CADM2: variants seen among roughly 807,000 people sequenced by gnomAD.
CADM2 encodes cell adhesion molecule 2, also known as immunoglobulin superfamily member 4D.
A neutral mutation model predicts 49.8 loss-of-function variants in CADM2; 12 were observed. The observed-to-expected ratio is 0.24, with a 90% CI of 0.15 to 0.39. The LOEUF (loss-of-function observed/expected upper bound fraction) is 0.39. CADM2 is among the 10% of genes least tolerant of loss of function. The probability of loss-of-function intolerance (pLI) is 1.00; values close to 1 mark genes in which losing one functional copy is unlikely to be tolerated. For synonymous variants in CADM2, 214 were observed against 175.4 expected, an observed-to-expected ratio of 1.22 and a Z score of -1.74; for missense variants, 378 against 492.3, an observed-to-expected ratio of 0.77 and a Z score of 2.20.
intron 8 of CADM2, among the ~76,000 whole-genome samples, chr3:85,984,630 C>A (rs1385153797): frequency 6.6e-6 from 1 of 151,746 alleles, no homozygotes. Flanking sequence ...TAGAGATGAT[C>A]TGATAGATAT....
chr3:85,642,431 A>G (rs1012756270), intron 1 of CADM2, among the ~76,000 whole-genome samples: 2 of 152,202 alleles, frequency 1.3e-5, no homozygotes, highest in African/African-American at 4.8e-5. Flanking sequence ...AATGAAAGTA[A>G]ATAAAAAATA....
chr3:85,415,852 A>G (rs1460270949), intron 1 of CADM2, among the ~76,000 whole-genome samples: 1 of 152,106 alleles, frequency 6.6e-6, no homozygotes, highest in East Asian at 1.9e-4. Flanking sequence ...TAAATATATT[A>G]TACTTTCTCT....
chr3:85,045,810 TC>T (rs1464897089), intron 1 of CADM2, among the ~76,000 whole-genome samples: 2 of 152,120 alleles, frequency 1.3e-5, no homozygotes, highest in African/African-American at 4.8e-5. Flanking sequence ...CTTGAATATT[TC>T]CTCTTAATAA....
At chr3:85,595,806 A>G (rs927535738) in intron 1 of CADM2, among the ~76,000 whole-genome samples, 11 of 152,042 alleles carry the variant, frequency 7.2e-5, no homozygotes, top group African/African-American at 2.4e-4. Flanking sequence ...AAACAAGTGT[A>G]TATCTTCATT....
At chr3:85,469,757 GC>G (rs1298300090) in intron 1 of CADM2, among the ~76,000 whole-genome samples, 1 of 152,122 alleles carries the variant, frequency 6.6e-6, no homozygotes, top group African/African-American at 2.4e-5. Flanking sequence ...TTCCAAGTAG[GC>G]TAAAATTGAC....
At chr3:85,308,815 T>C (rs79070801) in intron 1 of CADM2, among the ~76,000 whole-genome samples, 271 of 152,218 alleles carry the variant, frequency 1.8e-3, no homozygotes, top group Non-Finnish European at 3.1e-3. Flanking sequence ...TTTGTACACA[T>C]ATTGATTTAC....
intron 7 of CADM2, among the ~76,000 whole-genome samples, chr3:85,942,681 T>A (rs541420147): frequency 3.3e-5 from 5 of 151,954 alleles, no homozygotes; most frequent in African/African-American, 1.2e-4. Flanking sequence ...TTTTTATGGC[T>A]GCATAGTATT....
At chr3:85,655,618 G>A (rs1354558907) in intron 1 of CADM2, among the ~76,000 whole-genome samples, 1 of 152,152 alleles carries the variant, frequency 6.6e-6, no homozygotes, top group Non-Finnish European at 1.5e-5. Flanking sequence ...CGTAGAGTGA[G>A]AATTCTTGTA....
chr3:85,296,266 A>T (rs990063084), intron 1 of CADM2, among the ~76,000 whole-genome samples: 2 of 152,082 alleles, frequency 1.3e-5, no homozygotes, highest in Non-Finnish European at 2.9e-5. Flanking sequence ...CTAAGACCTC[A>T]GTAGTAATGT....
At chr3:85,737,695 C>T (rs1269827232) in intron 2 of CADM2, among the ~76,000 whole-genome samples, 3 of 151,598 alleles carry the variant, frequency 2.0e-5, no homozygotes, top group Non-Finnish European at 4.4e-5. Context: ...GTAGCTGGGA[C>T]TACAGGCGCC....
intron 8 of CADM2, among the ~76,000 whole-genome samples, chr3:86,046,585 C>G (rs1045805900): frequency 6.6e-6 from 1 of 152,002 alleles, no homozygotes; most frequent in Admixed American, 6.6e-5. Context: ...CTATGAGGAA[C>G]AGGGCAGCAC....
intron 1 of CADM2, among the ~76,000 whole-genome samples, chr3:85,414,253 GTTAA>G (rs1423868054): frequency 6.6e-6 from 1 of 151,998 alleles, no homozygotes; most frequent in Non-Finnish European, 1.5e-5. Flanking sequence ...TAATTCCTCA[GTTAA>G]TTAACAAAAT....
intron 3 of CADM2, among the ~76,000 whole-genome samples, chr3:85,824,546 C>T (rs554719274): frequency 1.2e-4 from 19 of 152,206 alleles, no homozygotes; most frequent in African/African-American, 4.1e-4. Context: ...ATTAAAGCTA[C>T]TTGTGAGACA....
intron 1 of CADM2, among the ~76,000 whole-genome samples, chr3:85,470,299 G>A (rs1437578489): frequency 6.6e-6 from 1 of 152,168 alleles, no homozygotes; most frequent in African/African-American, 2.4e-5. Flanking sequence ...GAGTTAGCAA[G>A]CAAGGGCCAT....
chr3:85,369,846 C>T (rs1394348055), intron 1 of CADM2, among the ~76,000 whole-genome samples: 3 of 152,072 alleles, frequency 2.0e-5, no homozygotes, highest in Non-Finnish European at 4.4e-5. Flanking sequence ...ATTGATGCCA[C>T]ACAGCAGTCC....
chr3:85,490,084 T>C (rs67416405), intron 1 of CADM2, among the ~76,000 whole-genome samples: 90,382 of 151,826 alleles, frequency 0.6, 28,349 homozygotes, highest in East Asian at 0.93. Flanking sequence ...TAGAGAACTT[T>C]GTAAAACATT....
At chr3:85,848,606 G>A (rs577933733) in intron 3 of CADM2, among the ~76,000 whole-genome samples, 1 of 152,196 alleles carries the variant, frequency 6.6e-6, no homozygotes, top group African/African-American at 2.4e-5. Flanking sequence ...GTTACTACCT[G>A]TGTTAGTACA....
intron 3 of CADM2, among the ~76,000 whole-genome samples, chr3:85,827,281 A>G (rs2073961182): frequency 6.6e-6 from 1 of 152,040 alleles, no homozygotes; most frequent in South Asian, 2.1e-4. Context: ...TAGAAATTGC[A>G]GTCTCTTTTC....
At chr3:85,850,046 G>T (rs2075035691) in intron 3 of CADM2, among the ~76,000 whole-genome samples, 1 of 152,088 alleles carries the variant, frequency 6.6e-6, no homozygotes, top group Non-Finnish European at 1.5e-5. Context: ...TTTACTCTTC[G>T]TTAACTCAAT....
Sources: gnomAD v4.1 joint callset for allele counts (sites outside exome capture counted in the v4.1 genomes callset) on GRCh38, gnomAD v4.1.1 for gene constraint, MANE v1.5 for transcripts, NCBI Gene and HGNC (gene_info 2026-07-23, HGNC 2026-07-21) for gene names.